Variants in ADAM20 observed in about 807,000 individuals in gnomAD.
ADAM20 encodes disintegrin and metalloproteinase domain-containing protein 20.
For synonymous variants in ADAM20, 305 were observed against 310.2 expected (o/e 0.98, Z 0.18); for missense variants, 871 against 883.2 (o/e 0.99, Z 0.18).
chr14:70,575,361 A>G, the ADAM20 span, among the ~76,000 whole-genome samples: 1 of 152,010 alleles, frequency 6.6e-6, no homozygotes, highest in African/African-American at 2.4e-5. Context: ...CACCCAGCTA[A>G]TTTTTGTATT....
At chr14:70,529,392 C>A (rs767976741) in intron 1 of ADAM20, among the ~76,000 whole-genome samples, 12 of 152,164 alleles carry the variant, frequency 7.9e-5, no homozygotes, top group Non-Finnish European at 1.5e-4. Flanking sequence ...GAAAAATTCA[C>A]AAATACACTC....
the ADAM20 span, among the ~76,000 whole-genome samples, chr14:70,553,310 A>T: frequency 4.0e-4 from 10 of 25,204 alleles, no homozygotes; most frequent in South Asian, 1.4e-3. Flanking sequence ...AGAGTATAAT[A>T]AAAAAAAAAA....
chr14:70,545,341 A>G, the ADAM20 span, among the ~76,000 whole-genome samples: 1 of 152,142 alleles, frequency 6.6e-6, no homozygotes, highest in Non-Finnish European at 1.5e-5. Context: ...CACTTGGGAG[A>G]GGGATGGTGC....
At chr14:70,537,720 G>C (rs1883865721), upstream of ADAM20, among the ~76,000 whole-genome samples, 2 of 152,074 alleles carry the variant, frequency 1.3e-5, no homozygotes, top group Non-Finnish European at 1.5e-5. Flanking sequence ...CCTCTCCACT[G>C]GGCTGTCTCC....
chr14:70,578,702 T>C, the ADAM20 span, among the ~76,000 whole-genome samples: 1 of 152,098 alleles, frequency 6.6e-6, no homozygotes, highest in Non-Finnish European at 1.5e-5. Context: ...GCCTGTTTTT[T>C]AAATTTTAGA....
intron 1 of ADAM20, among the ~76,000 whole-genome samples, chr14:70,530,923 T>C (rs1883697444): frequency 6.7e-6 from 1 of 148,950 alleles, no homozygotes; most frequent in South Asian, 2.1e-4. Flanking sequence ...AACCTGACTT[T>C]ACACCTTCAG....
At chr14:70,561,870 C>G in the ADAM20 span, among the ~76,000 whole-genome samples, 34 of 152,226 alleles carry the variant, frequency 2.2e-4, no homozygotes, top group African/African-American at 8.2e-4. Flanking sequence ...GCCTGGATGT[C>G]CAGGCAGAAG....
chr14:70,548,948 C>T, the ADAM20 span, among the ~76,000 whole-genome samples: 1 of 118,410 alleles, frequency 8.4e-6, no homozygotes, highest in African/African-American at 3.3e-5. Flanking sequence ...AGACTAACAG[C>T]GGATCTCTCG....
chr14:70,541,052 A>T, the ADAM20 span, among the ~76,000 whole-genome samples: 1 of 152,178 alleles, frequency 6.6e-6, no homozygotes, highest in Non-Finnish European at 1.5e-5. Context: ...CAGCCTCCCA[A>T]AGTGCTGGGA....
In ADAM20 at chr14:70,524,735, A is replaced by G; in HGVS notation, c.23T>C (p.Val8Ala). 6.2e-7 allele frequency: 1 copy of G among 1,613,938 alleles called. No individual in the cohort carries two copies. The highest frequency in any genetic ancestry group is 1.1e-5 in the South Asian group (1 of 91,072). ...CAGCAGAAGAGTGACCCTGATGTGC[A>G]CCAGGGGCTCACCCACTGCCATTAT... The part of the protein sequence containing the change: MAVGEPL[V>A]HIRVTLLLLW... The change falls in exon 2 of 2, where the codon GTG becomes GCG. Residue 8 changes from valine (V) to alanine (A), a missense_variant. Coordinates refer to ENST00000256389, the MANE Select transcript of ADAM20 (RefSeq NM_003814.5).
Position 70,524,049 on chromosome 14 carries a change from C to A in ADAM20, c.709G>T (p.Val237Phe), listed in dbSNP as rs531350369. The A allele has an allele frequency of 6.2e-7, 1 of 1,613,852 alleles. No individual in the cohort carries two copies. The highest frequency in any genetic ancestry group is 8.5e-7 in the Non-Finnish European group (1 of 1,179,918). ...TAGAAGGAATCCACTATATTGACAA[C>A]GTTAAATACTTCATGCTGCACTGTT... ...ATTVQHEVFN[V>F]VNIVDSFYHP... Residue 237 changes from valine (V) to phenylalanine (F), a missense_variant, in exon 2 of 2, where the codon GTT (valine) becomes TTT (phenylalanine). Coordinates refer to ENST00000256389, the MANE Select transcript of ADAM20 (RefSeq NM_003814.5).
chr14:70,555,039 G>C, the ADAM20 span, among the ~76,000 whole-genome samples: 1 of 152,138 alleles, frequency 6.6e-6, no homozygotes, highest in Non-Finnish European at 1.5e-5. Context: ...GTGAAGTTAC[G>C]AAGTCATTTA....
upstream of ADAM20, among the ~76,000 whole-genome samples, chr14:70,538,569 C>T (rs369825976): frequency 1.2e-4 from 18 of 152,218 alleles, no homozygotes; most frequent in African/African-American, 3.6e-4. Context: ...TTACTTTTGT[C>T]CACTTTGTCT....
chr14:70,569,455 C>A, the ADAM20 span, among the ~76,000 whole-genome samples: 3 of 152,064 alleles, frequency 2.0e-5, no homozygotes, highest in Non-Finnish European at 4.4e-5. Context: ...GGTCTAAATA[C>A]CCTACTCAAA....
At position 70,522,851 on chromosome 14, in the gene ADAM20, T is replaced by A. The variant is rs971030772; in HGVS notation, c.1907A>T (p.Gln636Leu). Residue 636 changes from glutamine (Q) to leucine (L), a missense_variant, in exon 2 of 2, where the codon CAG (glutamine) becomes CTG (leucine). Gln to Leu is a moderately radical substitution (Grantham distance 113). Coordinates refer to ENST00000256389, the MANE Select transcript of ADAM20 (RefSeq NM_003814.5). Reference sequence around the variant, plus strand: ...TCCCCTCATGTTGCAGGTCTTAGGCTGACAGGCTTGTGACAGATGAACCAT... The same window carrying A: ...TCCCCTCATGTTGCAGGTCTTAGGCAGACAGGCTTGTGACAGATGAACCAT... ...ASMVHLSQACQPKTCNMRGIC... is the reference protein window; with the variant it reads ...ASMVHLSQACLPKTCNMRGIC... The A allele has an allele frequency of 2.5e-6, 4 of 1,614,120 alleles. No homozygotes were observed. Among genetic ancestry groups the A allele is most frequent in the Admixed American group, 1.7e-5 (1 of 60,024 alleles).
chr14:70,534,249 A>G (rs1432446459), intron 1 of ADAM20, among the ~76,000 whole-genome samples: 3 of 152,122 alleles, frequency 2.0e-5, no homozygotes, highest in Non-Finnish European at 4.4e-5. Flanking sequence ...GTGACTTCCA[A>G]TGCTGGAGGT....
the ADAM20 span, among the ~76,000 whole-genome samples, chr14:70,568,902 T>C: frequency 9.3e-3 from 1,414 of 151,690 alleles, 26 homozygotes; most frequent in African/African-American, 0.032. Context: ...TTCAGGAAAA[T>C]TTCCCTAATC....
chr14:70,524,219 A>G lies in ADAM20; in HGVS notation c.539T>C (p.Ile180Thr), dbSNP rs1566655745. 1 of 1,613,916 alleles carries G rather than the reference A, an allele frequency of 6.2e-7. No homozygotes were observed. Among genetic ancestry groups the G allele is most frequent in the East Asian group, 2.2e-5 (1 of 44,874 alleles). ...CAATTGCAACTCCATCTGGTGTGCT[A>G]TTTTCTCTTCTGTTAACCCACATCT... ...PMRCGLTEEK[I>T]AHQMELQLSY... The change falls in exon 2 of 2, where the codon ATA becomes ACA. Residue 180 changes from isoleucine to threonine, a missense_variant. Transcript: ENST00000256389.
chr14:70,537,812 C>G (rs1595026501), upstream of ADAM20, among the ~76,000 whole-genome samples: 1 of 152,090 alleles, frequency 6.6e-6, no homozygotes, highest in Non-Finnish European at 1.5e-5. Flanking sequence ...TAAATAATGA[C>G]AGCTGATGGC....
Sources: gnomAD v4.1 joint callset for allele counts (sites outside exome capture counted in the v4.1 genomes callset) on GRCh38, gnomAD v4.1.1 for gene constraint, MANE v1.5 for transcripts, NCBI Gene and HGNC (gene_info 2026-07-23, HGNC 2026-07-21) for gene names.